ZNF620: variants seen among roughly 807,000 people sequenced by gnomAD.
ZNF620 encodes zinc finger protein 620.
ZNF620 carries 10 observed loss-of-function variants against 13.3 expected under a neutral mutation model. The ratio of observed to expected loss-of-function variants is 0.75; its 90% CI spans 0.46 to 1.28. The LOEUF (loss-of-function observed/expected upper bound fraction) is 1.28. ZNF620 is among the 50% of genes most tolerant of loss of function. The pLI is 0.00. For missense variants in ZNF620, 461 were observed against 500.2 expected (o/e 0.92, Z 0.75); for synonymous variants, 166 against 177.6 (o/e 0.93, Z 0.52).
chr3:40,512,255 TCTGTCCTCCAGCAGCA>T, intron 3 of ZNF620, 131 bp from the exon 4 acceptor site: 1 of 702,996 alleles, frequency 1.4e-6, no homozygotes, highest in South Asian at 1.7e-5. Flanking sequence ...GTGGGAAATT[TCTGTCCTCCAGCAGCA>T]TAGATTAAGT....
rs1239739232 is a variant in ZNF620, at chr3:40,517,088, A to C, written c.*225A>C. On this transcript the variant is annotated 3_prime_UTR_variant, in exon 5 of 5. Coordinates refer to ENST00000314529, the MANE Select transcript of ZNF620 (RefSeq NM_175888.4). ...AACATAAAAGGAAATGTAAGTTTCC[A>C]GATTTAAAGGACATGCTGGGTGCCC... The C allele has an allele frequency of 2.3e-6, 1 of 427,848 alleles. No homozygotes were observed. Among genetic ancestry groups the C allele is most frequent in the African/African-American group, 2.0e-5 (1 of 50,164 alleles). The allele number at this position is 427,848 out of a possible 1,614,324, so 26.5% of individuals were successfully genotyped here.
At chr3:40,515,397 T>C (rs994304975) in intron 4 of ZNF620, among the ~76,000 whole-genome samples, 10 of 152,206 alleles carry the variant, frequency 6.6e-5, no homozygotes, top group African/African-American at 2.4e-4. Flanking sequence ...TTAACAAGCA[T>C]CTCTTAAGGA....
intron 3 of ZNF620, among the ~76,000 whole-genome samples, chr3:40,511,860 T>C (rs1311614898): frequency 6.6e-6 from 1 of 151,960 alleles, no homozygotes; most frequent in Non-Finnish European, 1.5e-5. Flanking sequence ...TATTGTATTT[T>C]TAGTAGAGAT....
Position 40,506,236 on chromosome 3 carries a change from G to A in ZNF620, c.-49-68G>A, listed in dbSNP as rs551898018. On this transcript the variant is annotated intron_variant, in intron 1 of 4. Transcript: ENST00000314529. ...GGCGGAAAGGAGAGGGGCCCAAGTA[G>A]CACAGAGGGCATTTGCGGGGTGCGA... is the stretch of plus-strand genomic sequence containing the variant. 1.6e-4 allele frequency: 210 copies of A among 1,353,420 alleles called. No homozygotes were observed. In the African/African-American group the frequency reaches 2.7e-3, roughly 17 times the overall value. 83.8% of individuals were successfully genotyped at this position (1,353,420 alleles called of 1,614,324 possible). A position where few individuals can be genotyped will look rare whatever the true frequency, so the allele number is the denominator to read the frequency against.
Position 40,516,248 on chromosome 3 carries a change from C to T in ZNF620, c.654C>T (p.His218=). Residue 218 remains histidine, a synonymous_variant, in exon 5 of 5, where the codon CAC becomes CAT. Coordinates refer to ENST00000314529, the MANE Select transcript of ZNF620 (RefSeq NM_175888.4). Reference sequence around the variant, plus strand: ...ACTTCCACCGACATGAGAAATGTCACACTGGTGAAAAGTCTTTTGAATGCA... The same window carrying T: ...ACTTCCACCGACATGAGAAATGTCATACTGGTGAAAAGTCTTTTGAATGCA... ...MADFHRHEKC[H]TGEKSFECKE... 1.2e-6 allele frequency: 2 copies of T among 1,614,076 alleles called. No individual in the cohort carries two copies. Among genetic ancestry groups the T allele is most frequent in the Non-Finnish European group, 1.7e-6 (2 of 1,180,044 alleles).
In ZNF620 at chr3:40,516,620, A is replaced by C; in HGVS notation, c.1026A>C (p.Gly342=). 6.2e-7 allele frequency: 1 copy of C among 1,614,086 alleles called. No individual in the cohort carries two copies. Among genetic ancestry groups the C allele is most frequent in the South Asian group, 1.1e-5 (1 of 91,080 alleles). ...AACCTTATGAATGTAAAGAGTGTGGAAAACGATTAAGCTCCAACACAGCCT... is the reference window on the plus strand; with the variant it reads ...AACCTTATGAATGTAAAGAGTGTGGCAAACGATTAAGCTCCAACACAGCCT... The part of the protein sequence containing the change: ...GEKPYECKEC[G]KRLSSNTALT... The change falls in exon 5 of 5, where the codon GGA becomes GGC. Residue 342 remains glycine, a synonymous_variant. Coordinates refer to ENST00000314529, the MANE Select transcript of ZNF620 (RefSeq NM_175888.4).
chr3:40,516,016 T>C lies in ZNF620; in HGVS notation c.422T>C (p.Ile141Thr). 1 of 1,614,128 alleles carries C rather than the reference T, an allele frequency of 6.2e-7. No homozygotes were observed. The highest frequency in any genetic ancestry group is 2.2e-5 in the East Asian group (1 of 44,878). ...SSLEQPQGHW[I>T]IKTKSKRRHF... ...CTAGAGCAGCCACAAGGTCATTGGA[T>C]AATTAAGACAAAGTCAAAGAGGAGA... The change falls in exon 5 of 5, where the codon ATA (isoleucine) becomes ACA (threonine). Residue 141 changes from isoleucine (I) to threonine (T), a missense_variant. Physicochemically the swap from Ile to Thr is moderately conservative, Grantham distance 89 (BLOSUM62 -1). Transcript: ENST00000314529.
rs199626068 is a variant in ZNF620 at position 40,516,576 on chromosome 3, C to T, written c.982C>T (p.Arg328Ter). ...CAGCTCAAGTTTCACTGTCCATCAG[C>T]GAATGCACACTGGGGAGAAACCTTA... ...SCSSSFTVHQ[R>*]MHTGEKPYEC... Residue 328 changes from arginine (R) to a stop codon, truncating the protein, a stop_gained, in exon 5 of 5, where the codon CGA (arginine) becomes TGA (stop). Coordinates refer to ENST00000314529, the MANE Select transcript of ZNF620 (RefSeq NM_175888.4). LOFTEE classifies it low-confidence loss of function (END_TRUNC). 36 of 1,613,504 alleles carry T rather than the reference C, an allele frequency of 2.2e-5. No individual in the cohort carries two copies. The highest frequency in any genetic ancestry group is 1.1e-4 in the East Asian group (5 of 44,860).
At chr3:40,508,423 T>G (rs1035660753) in intron 2 of ZNF620, among the ~76,000 whole-genome samples, 1 of 152,168 alleles carries the variant, frequency 6.6e-6, no homozygotes, top group South Asian at 2.1e-4. Context: ...ACTTTGTACA[T>G]TCTCTTATGG....
intron 4 of ZNF620, among the ~76,000 whole-genome samples, chr3:40,515,499 A>G (rs1031374517): frequency 1.3e-5 from 2 of 152,062 alleles, no homozygotes; most frequent in Non-Finnish European, 2.9e-5. Context: ...ATGGATTTCC[A>G]TTTGTTACTT....
At chr3:40,511,243 G>C (rs1386722380) in intron 2 of ZNF620, among the ~76,000 whole-genome samples, 2 of 152,106 alleles carry the variant, frequency 1.3e-5, no homozygotes, top group African/African-American at 4.8e-5. Context: ...GGCAAGCAGA[G>C]ATCAGCAGAT....
At chr3:40,514,021 G>A (rs1455850244) in intron 4 of ZNF620, among the ~76,000 whole-genome samples, 3 of 152,060 alleles carry the variant, frequency 2.0e-5, no homozygotes, top group East Asian at 1.9e-4. Context: ...GAAGGCACCC[G>A]TTACTTAGCA....
rs1482440236 is a variant in ZNF620, at chr3:40,512,416, A to G, written c.166A>G (p.Thr56Ala). 1.9e-6 allele frequency: 3 copies of G among 1,613,956 alleles called. No individual in the cohort carries two copies. The South Asian group carries it at 3.3e-5, about 18-fold the overall frequency. The change falls in exon 4 of 5, where the codon ACG (threonine) becomes GCG (alanine). Residue 56 changes from threonine to alanine, a missense_variant. Coordinates refer to ENST00000314529, the MANE Select transcript of ZNF620 (RefSeq NM_175888.4). Reference protein sequence around the residue: ...NVASLAFPFTTPVLVSQLEQG... With the variant: ...NVASLAFPFTAPVLVSQLEQG... ...TCCCTGGGCAGCATTCCCATTCACC[A>G]CGCCTGTTCTGGTCTCCCAGCTGGA...
At chr3:40,513,107 T>C (rs1407065869) in intron 4 of ZNF620, among the ~76,000 whole-genome samples, 2 of 151,948 alleles carry the variant, frequency 1.3e-5, no homozygotes, top group Admixed American at 6.6e-5. Context: ...AAAAAATTTC[T>C]GAAGCAAAAT....
chr3:40,516,885 C>A lies in ZNF620; in HGVS notation c.*22C>A. On this transcript the variant is annotated 3_prime_UTR_variant, in exon 5 of 5. Coordinates refer to ENST00000314529, the MANE Select transcript of ZNF620 (RefSeq NM_175888.4). The stretch of plus-strand genomic sequence containing the variant: ...ATAGGGCTATCCATAGTTAGGCCCA[C>A]TGTGCCTCTCCTTTTTTCTCTTTAT... The A allele has an allele frequency of 6.4e-7, 1 of 1,553,662 alleles. No homozygotes were observed. The highest frequency in any genetic ancestry group is 8.7e-7 in the Non-Finnish European group (1 of 1,150,220).
intron 2 of ZNF620, among the ~76,000 whole-genome samples, chr3:40,509,195 T>G (rs1698123949): frequency 6.6e-6 from 1 of 152,116 alleles, no homozygotes; most frequent in Admixed American, 6.6e-5. Flanking sequence ...CATCTGTTCT[T>G]TGTTTCCTTT....
In ZNF620 at chr3:40,516,685, T is replaced by C. The variant is rs757031598; in HGVS notation, c.1091T>C (p.Phe364Ser). The C allele has an allele frequency of 1.2e-6, 2 of 1,613,934 alleles. No individual in the cohort carries two copies. Among genetic ancestry groups the C allele is most frequent in the Admixed American group, 3.3e-5 (2 of 59,990 alleles). ...HQRIHTGEKPFECKECGKAFN... is the reference protein window; with the variant it reads ...HQRIHTGEKPSECKECGKAFN... The stretch of plus-strand genomic sequence containing the variant: ...CGAATTCACACTGGGGAGAAGCCCT[T>C]TGAATGTAAGGAGTGTGGGAAGGCA... The change falls in exon 5 of 5, where the codon TTT becomes TCT. Residue 364 changes from phenylalanine to serine, a missense_variant. By Grantham distance (155) the Phe-to-Ser change is radical. Coordinates refer to ENST00000314529, the MANE Select transcript of ZNF620 (RefSeq NM_175888.4).
Position 40,518,014 on chromosome 3 carries a change from C to CT in ZNF620, c.*1154dup, listed in dbSNP as rs1429203227. 1 of 152,248 alleles carries CT rather than the reference C, an allele frequency of 6.6e-6. No individual in the cohort carries two copies. Among genetic ancestry groups the CT allele is most frequent in the African/African-American group, 2.4e-5 (1 of 41,460 alleles). The allele number at this position is 152,248 out of a possible 1,614,324, so 9.4% of individuals were successfully genotyped here. A position where few individuals can be genotyped will look rare whatever the true frequency, so the allele number is the denominator to read the frequency against. ...TTGCAAAAGTCAGGATGTATATACT[C>CT]TTTGAGTCAGGTGCAAGGCACCATT... On this transcript the variant is annotated 3_prime_UTR_variant, in exon 5 of 5. Transcript: ENST00000314529.
intron 2 of ZNF620, among the ~76,000 whole-genome samples, chr3:40,506,877 T>C (rs1176866286): frequency 2.0e-5 from 3 of 152,186 alleles, no homozygotes; most frequent in Non-Finnish European, 4.4e-5. Context: ...CAGATATCTT[T>C]GTCTTATTTA....
Sources: allele counts gnomAD v4.1 joint callset (sites outside exome capture counted in the v4.1 genomes callset), GRCh38; gene constraint gnomAD v4.1.1; transcripts MANE v1.5; gene names NCBI Gene and HGNC (gene_info 2026-07-23, HGNC 2026-07-21).